The following DZIP1L variants were observed in gnomAD, a reference collection of about 807,000 sequenced individuals.
DZIP1L encodes the protein DAZ interacting zinc finger protein 1 like.
DZIP1L carries 90 observed loss-of-function variants against 88.7 expected under a neutral mutation model. The ratio of observed to expected loss-of-function variants is 1.02; its 90% CI spans 0.86 to 1.21. The LOEUF (loss-of-function observed/expected upper bound fraction) is 1.21, where lower values mean the gene tolerates loss of function less well. DZIP1L is among the 50% of genes most tolerant of loss of function. DZIP1L has a pLI of 0.00. For synonymous variants in DZIP1L, 363 were observed against 372.1 expected (o/e 0.98, Z 0.28); for missense variants, 932 against 955.8 (o/e 0.98, Z 0.33).
Position 138,103,779 on chromosome 3 carries a change from A to C in DZIP1L, c.193T>G (p.Cys65Gly). 7 of 1,614,122 alleles carry C rather than the reference A, an allele frequency of 4.3e-6. No homozygotes were observed. Among genetic ancestry groups the C allele is most frequent in the Non-Finnish European group, 5.9e-6 (7 of 1,180,042 alleles). Residue 65 changes from cysteine (C) to glycine (G), a missense_variant, in exon 2 of 16, where the codon TGC becomes GGC. Coordinates refer to ENST00000327532, the MANE Select transcript of DZIP1L (RefSeq NM_173543.3). ...LQENIAGITFCNLDREVCSRC... is the reference protein window; with the variant it reads ...LQENIAGITFGNLDREVCSRC... ...CTGCACACCTCCCGGTCCAAGTTGC[A>C]GAAGGTGATGCCAGCAATATTCTCC...
chr3:138,068,834 G>A lies in DZIP1L; in HGVS notation c.1616-467C>T, dbSNP rs568624914. On this transcript the variant is annotated intron_variant, in intron 12 of 15. Transcript: ENST00000327532. The stretch of plus-strand genomic sequence containing the variant: ...TCCTCCCAAATGCAGTCTGGGGCAA[G>A]GCAGTACCAAGGCAGGCAATTGGAC... The A allele has an allele frequency of 5.5e-6, 6 of 1,098,232 alleles. No individual in the cohort carries two copies. The South Asian group carries it at 2.5e-4, about 46-fold the overall frequency. 68.0% of individuals were successfully genotyped at this position (1,098,232 alleles called of 1,614,324 possible).
At chr3:138,105,096 T>C (rs1428961454) in intron 1 of DZIP1L, among the ~76,000 whole-genome samples, 1 of 152,158 alleles carries the variant, frequency 6.6e-6, no homozygotes, top group Admixed American at 6.6e-5. Context: ...TGATATGAAA[T>C]GATAATCTCC....
rs1175442361 is a variant in DZIP1L at position 138,062,873 on chromosome 3, T to C, written c.2247A>G (p.Pro749=). ...TCTGTGGACCAGTGCCAAACTTCTC[T>C]GGGAGCTTTGAGCGAGACAAGGGCT... ...KPKPLSRSKL[P]EKFGTGPQSS... is the part of the protein sequence containing the mutation. Residue 749 remains proline (P), a synonymous_variant, in exon 16 of 16, where the codon CCA becomes CCG. Coordinates refer to ENST00000327532, the MANE Select transcript of DZIP1L (RefSeq NM_173543.3). 3 of 1,614,200 alleles carry C rather than the reference T, an allele frequency of 1.9e-6. No homozygotes were observed. Among genetic ancestry groups the C allele is most frequent in the Admixed American group, 3.3e-5 (2 of 60,026 alleles).
At chr3:138,086,835 G>A in intron 7 of DZIP1L, 126 bp downstream of exon 7, 1 of 969,804 alleles carries the variant, frequency 1.0e-6, no homozygotes. Context: ...AGCAATATCT[G>A]CAGCATCTGC....
At chr3:138,106,895 A>T (rs2107863164) in intron 1 of DZIP1L, among the ~76,000 whole-genome samples, 1 of 150,810 alleles carries the variant, frequency 6.6e-6, no homozygotes, top group South Asian at 2.1e-4. Flanking sequence ...AAAGAGAGAG[A>T]GAGAAGGGCC....
rs1288210521 is a variant in DZIP1L at position 138,080,552 on chromosome 3, AAAGT to A, written c.1288+11_1288+14del. The A allele has an allele frequency of 1.2e-6, 2 of 1,613,366 alleles. No individual in the cohort carries two copies. The highest frequency in any genetic ancestry group is 2.2e-5 in the South Asian group (2 of 91,064). Reference sequence around the variant, plus strand: ...TTTCTGCACTGGACACCCAGGAAAGAAAGTAAGGTCCCACCTTCCTCTGGAGAGT... The same window carrying A: ...TTTCTGCACTGGACACCCAGGAAAGAAAGGTCCCACCTTCCTCTGGAGAGT... On this transcript the variant is annotated intron_variant, in intron 10 of 15. Coordinates refer to ENST00000327532, the MANE Select transcript of DZIP1L (RefSeq NM_173543.3).
chr3:138,086,267 TAA>T (rs202084004), intron 7 of DZIP1L, among the ~76,000 whole-genome samples: 2 of 134,880 alleles, frequency 1.5e-5, no homozygotes, highest in Admixed American at 7.5e-5. Flanking sequence ...TAATAATAAT[TAA>T]AAAAAAAAAA....
intron 8 of DZIP1L, among the ~76,000 whole-genome samples, chr3:138,082,833 A>C (rs2107778100): frequency 6.6e-6 from 1 of 152,354 alleles, no homozygotes; most frequent in South Asian, 2.1e-4. Flanking sequence ...ATAGATAAGC[A>C]CAAGTCTTGG....
At chr3:138,102,099 C>T (rs1443445010) in intron 2 of DZIP1L, 19 of 1,464,402 alleles carry the variant, frequency 1.3e-5, no homozygotes, top group Admixed American at 1.7e-5. Context: ...AGCCCAGCTG[C>T]AGTTGGCGAT....
chr3:138,083,978 A>T (rs1943799513), intron 8 of DZIP1L, 135 bp downstream of exon 8: 3 of 1,283,464 alleles, frequency 2.3e-6, no homozygotes, highest in Non-Finnish European at 3.2e-6. Context: ...CCTTCATGCC[A>T]GAGGACTCTT....
chr3:138,110,946 G>A (rs1012540056), intron 1 of DZIP1L, among the ~76,000 whole-genome samples: 4 of 152,186 alleles, frequency 2.6e-5, no homozygotes, highest in East Asian at 1.9e-4. Context: ...TCTCCAGAGA[G>A]ACAGAAAAAT....
At chr3:138,069,092 C>T (rs1576435514) in intron 12 of DZIP1L, 2 of 1,027,456 alleles carry the variant, frequency 1.9e-6, no homozygotes, top group South Asian at 3.3e-5. Context: ...TCCACTTATA[C>T]GTGGATTTTC....
rs776736969 is a variant in DZIP1L at position 138,068,142 on chromosome 3, G to A, written c.1832+9C>T. The A allele has an allele frequency of 3.3e-6, 5 of 1,492,892 alleles. No individual in the cohort carries two copies. The highest frequency in any genetic ancestry group is 1.8e-6 in the Non-Finnish European group (2 of 1,118,704). The allele number at this position is 1,492,892 out of a possible 1,614,324, so 92.5% of individuals were successfully genotyped here. A position where few individuals can be genotyped will look rare whatever the true frequency, so the allele number is the denominator to read the frequency against. ...CAGGTGGGGTGAGAGGGCAGAGTCT[G>A]GGGCTCACCTCATCCCGGGCCCCGA... On this transcript the variant is annotated intron_variant, in intron 13 of 15. Coordinates refer to ENST00000327532, the MANE Select transcript of DZIP1L (RefSeq NM_173543.3).
chr3:138,097,664 G>T, intron 3 of DZIP1L, 99 bp downstream of exon 3: 1 of 1,080,942 alleles, frequency 9.3e-7, no homozygotes, highest in Non-Finnish European at 1.4e-6. Context: ...GAGGTTCTGA[G>T]AGCAGTTTTG....
intron 1 of DZIP1L, among the ~76,000 whole-genome samples, chr3:138,111,957 G>A (rs953418578): frequency 1.3e-5 from 2 of 150,970 alleles, no homozygotes; most frequent in African/African-American, 2.4e-5. Flanking sequence ...AGCAGAGACT[G>A]TGCCATTGCA....
chr3:138,095,917 A>G (rs1944449759), intron 3 of DZIP1L, among the ~76,000 whole-genome samples: 2 of 152,230 alleles, frequency 1.3e-5, no homozygotes, highest in South Asian at 4.1e-4. Context: ...AAACATCCTA[A>G]CTAAACCACA....
At chr3:138,092,690 G>T in intron 4 of DZIP1L, 146 bp from the exon 5 acceptor site, 1 of 745,064 alleles carries the variant, frequency 1.3e-6, no homozygotes, top group Non-Finnish European at 2.0e-6. Flanking sequence ...GTTTGGACTT[G>T]GGAGGACCAG....
At chr3:138,101,825 G>C in intron 2 of DZIP1L, 1 of 1,238,362 alleles carries the variant, frequency 8.1e-7, no homozygotes, top group Non-Finnish European at 1.2e-6. Context: ...TCACGCAGCT[G>C]CCGCTCCATG....
intron 5 of DZIP1L, 94 bp from the exon 6 acceptor site, chr3:138,088,601 C>G: frequency 6.9e-7 from 1 of 1,449,444 alleles, no homozygotes; most frequent in African/African-American, 1.4e-5. Flanking sequence ...CACGCCTTAC[C>G]CAACTCATCC....
Sources: gnomAD v4.1 joint callset for allele counts (sites outside exome capture counted in the v4.1 genomes callset) on GRCh38, gnomAD v4.1.1 for gene constraint, MANE v1.5 for transcripts, NCBI Gene and HGNC (gene_info 2026-07-23, HGNC 2026-07-21) for gene names.